Variants in HIVEP1 observed in about 807,000 individuals in gnomAD.
The protein encoded by HIVEP1 is HIVEP zinc finger 1.
In HIVEP1, 36 loss-of-function variants were observed where a neutral mutation model predicts 180.0. The ratio of observed to expected loss-of-function variants is 0.20; its 90% CI spans 0.15 to 0.26. The LOEUF (loss-of-function observed/expected upper bound fraction) is 0.26. HIVEP1 is among the 10% of genes least tolerant of loss of function. The pLI is 1.00. For missense variants in HIVEP1, 3,143 were observed against 3,268.7 expected (o/e 0.96, Z 0.94); for synonymous variants, 1,239 against 1,239.0 (o/e 1.00, Z 0.00).
chr6:12,020,067 A>G (rs1487756948), intron 2 of HIVEP1, among the ~76,000 whole-genome samples: 2 of 152,112 alleles, frequency 1.3e-5, no homozygotes, highest in Admixed American at 1.3e-4. Flanking sequence ...GAAAAGGTAT[A>G]AGAAGAATTG....
rs188378627 is a variant in HIVEP1, at chr6:12,084,381, C to T, written c.41-4803C>T. Reference sequence around the variant, plus strand: ...CTTCCTCAAAGACAGGTAAGTCCAGCGGTATTTGAGATGTGAAACTCGGAG... The same window carrying T: ...CTTCCTCAAAGACAGGTAAGTCCAGTGGTATTTGAGATGTGAAACTCGGAG... On this transcript the variant is annotated intron_variant, in intron 2 of 8. Coordinates refer to ENST00000379388, the MANE Select transcript of HIVEP1 (RefSeq NM_002114.4). Among the ~76,000 whole-genome samples, 90 of 152,072 alleles carry T rather than the reference C, an allele frequency of 5.9e-4. 1 individual carries two copies. The highest frequency in any genetic ancestry group is 2.0e-3 in the African/African-American group (84 of 41,504).
At chr6:12,169,927 T>C (rs554237806), downstream of HIVEP1, among the ~76,000 whole-genome samples, 135 of 152,190 alleles carry the variant, frequency 8.9e-4, no homozygotes, top group African/African-American at 2.9e-3. Flanking sequence ...GAGACCATCC[T>C]GGCTAACACA....
chr6:12,108,712 C>A (rs1357982227), intron 3 of HIVEP1, among the ~76,000 whole-genome samples: 4 of 152,330 alleles, frequency 2.6e-5, no homozygotes, highest in African/African-American at 9.6e-5. Flanking sequence ...CACGCCCACC[C>A]GGAGCTCCAG....
chr6:12,187,599 T>C, the HIVEP1 span, among the ~76,000 whole-genome samples: 1 of 151,860 alleles, frequency 6.6e-6, no homozygotes, highest in Non-Finnish European at 1.5e-5. Context: ...AAATCTTTTT[T>C]TTTTTTTTTT....
the HIVEP1 span, among the ~76,000 whole-genome samples, chr6:12,181,378 A>AAAAT: frequency 3.3e-5 from 5 of 151,656 alleles, no homozygotes; most frequent in Non-Finnish European, 7.4e-5. Context: ...AAAAATAATA[A>AAAAT]AAATAAATAA....
intron 7 of HIVEP1, among the ~76,000 whole-genome samples, chr6:12,159,224 G>T (rs1320066034): frequency 6.6e-6 from 1 of 152,038 alleles, no homozygotes; most frequent in Non-Finnish European, 1.5e-5. Context: ...GCGCGTGCAC[G>T]TGCACGCTTG....
At chr6:12,168,291 A>ATATATACATGTATACATATAT (rs1760802338), downstream of HIVEP1, among the ~76,000 whole-genome samples, 3 of 72,366 alleles carry the variant, frequency 4.1e-5, no homozygotes, top group Non-Finnish European at 5.8e-5. Flanking sequence ...TATTATATAC[A>ATATATACATGTATACATATAT]TATATACATA....
At chr6:12,208,492 G>A in the HIVEP1 span, among the ~76,000 whole-genome samples, 3 of 152,150 alleles carry the variant, frequency 2.0e-5, no homozygotes, top group Non-Finnish European at 4.4e-5. Flanking sequence ...CAGTATGAGC[G>A]GCCACAGAAA....
chr6:12,112,625 G>A (rs1213925635), intron 3 of HIVEP1, among the ~76,000 whole-genome samples: 1 of 151,944 alleles, frequency 6.6e-6, no homozygotes, highest in East Asian at 1.9e-4. Context: ...CAGTGCTAGT[G>A]CCCCTGCTCA....
chr6:12,011,452 C>G (rs1267305937), upstream of HIVEP1, among the ~76,000 whole-genome samples: 1 of 151,582 alleles, frequency 6.6e-6, no homozygotes, highest in Non-Finnish European at 1.5e-5. Context: ...ACTGAGCGAC[C>G]CCGCCAGGCC....
intron 2 of HIVEP1, among the ~76,000 whole-genome samples, chr6:12,041,826 A>AT (rs760777311): frequency 1.2e-4 from 17 of 138,436 alleles, no homozygotes; most frequent in African/African-American, 2.5e-4. Flanking sequence ...TGCCTGGCTA[A>AT]TTTTTTGTAT....
intron 2 of HIVEP1, among the ~76,000 whole-genome samples, chr6:12,019,370 C>G (rs1045136612): frequency 2.0e-5 from 3 of 152,200 alleles, no homozygotes; most frequent in African/African-American, 7.2e-5. Context: ...AGGTAACCAT[C>G]AGCTCCTGAG....
chr6:12,202,369 G>A, the HIVEP1 span, among the ~76,000 whole-genome samples: 2,055 of 152,074 alleles, frequency 0.014, 25 homozygotes, highest in Non-Finnish European at 0.018. Flanking sequence ...AAACTCCTGG[G>A]CTCAAGCGAT....
chr6:12,111,823 C>G (rs1454528023), intron 3 of HIVEP1, among the ~76,000 whole-genome samples: 1 of 152,208 alleles, frequency 6.6e-6, no homozygotes, highest in Non-Finnish European at 1.5e-5. Flanking sequence ...AACCATATCA[C>G]ATTTGCAGCG....
upstream of HIVEP1, among the ~76,000 whole-genome samples, chr6:12,011,169 C>T (rs982293097): frequency 6.6e-6 from 1 of 152,138 alleles, no homozygotes; most frequent in Non-Finnish European, 1.5e-5. Flanking sequence ...CACCCTGCCC[C>T]CTCCGTTTTT....
chr6:12,075,600 T>C (rs1772299603), intron 2 of HIVEP1, among the ~76,000 whole-genome samples: 3 of 152,056 alleles, frequency 2.0e-5, no homozygotes, highest in Non-Finnish European at 2.9e-5. Flanking sequence ...CTTTTTTTTT[T>C]TTCTAAACTT....
the HIVEP1 span, among the ~76,000 whole-genome samples, chr6:12,192,936 G>A: frequency 8.6e-5 from 13 of 151,672 alleles, no homozygotes; most frequent in African/African-American, 2.9e-4. Flanking sequence ...CAAACAGTAA[G>A]CTCATCACCT....
intron 2 of HIVEP1, among the ~76,000 whole-genome samples, chr6:12,069,749 A>G (rs182137590): frequency 2.3e-4 from 35 of 152,018 alleles, no homozygotes; most frequent in African/African-American, 7.9e-4. Context: ...ATAAAAAGAA[A>G]AAAATTGTGT....
the HIVEP1 span, among the ~76,000 whole-genome samples, chr6:12,178,343 C>A: frequency 6.2e-4 from 94 of 152,320 alleles, no homozygotes; most frequent in Admixed American, 9.8e-4. Flanking sequence ...AATTCCAACA[C>A]TTTGAGAGAC....
Sources: allele counts gnomAD v4.1 joint callset (sites outside exome capture counted in the v4.1 genomes callset), GRCh38; gene constraint gnomAD v4.1.1; transcripts MANE v1.5; gene names NCBI Gene and HGNC (gene_info 2026-07-23, HGNC 2026-07-21).